Variants in PRP4K observed in about 807,000 individuals in gnomAD.
PRP4K encodes the protein pre-mRNA processing factor kinase PRP4K.
At chr6:4,041,920 T>C in the PRP4K span, among the ~76,000 whole-genome samples, 2 of 152,152 alleles carry the variant, frequency 1.3e-5, no homozygotes, top group South Asian at 4.1e-4. Flanking sequence ...GCAGGTAAGA[T>C]CATTGAAAAA....
At chr6:4,049,709 A>G in the PRP4K span, 51 of 1,592,868 alleles carry the variant, frequency 3.2e-5, no homozygotes, top group Admixed American at 1.4e-4. Context: ...TCAGAATTCT[A>G]ATTTTTCAAT....
At chr6:4,026,948 G>T in the PRP4K span, among the ~76,000 whole-genome samples, 3 of 152,184 alleles carry the variant, frequency 2.0e-5, no homozygotes, top group Non-Finnish European at 2.9e-5. Flanking sequence ...ATTCCTGGCA[G>T]GAGAAACAGG....
the PRP4K span, chr6:4,032,760 CTT>C: frequency 6.4e-7 from 1 of 1,553,180 alleles, no homozygotes; most frequent in African/African-American, 1.4e-5. Context: ...TCCAAGGTAA[CTT>C]GTGTACAAAA....
chr6:4,033,503 G>T, the PRP4K span, among the ~76,000 whole-genome samples: 2 of 152,122 alleles, frequency 1.3e-5, no homozygotes, highest in African/African-American at 4.8e-5. Flanking sequence ...TAGAACGGAA[G>T]TATTTGCGGG....
At chr6:4,026,963 A>C in the PRP4K span, among the ~76,000 whole-genome samples, 1 of 152,184 alleles carries the variant, frequency 6.6e-6, no homozygotes, top group African/African-American at 2.4e-5. Context: ...AACAGGTCCC[A>C]CGTACCTGAG....
the PRP4K span, among the ~76,000 whole-genome samples, chr6:4,046,040 C>T: frequency 6.6e-6 from 1 of 152,182 alleles, no homozygotes; most frequent in Non-Finnish European, 1.5e-5. Flanking sequence ...TTCAGTCAGA[C>T]TTTGATATTT....
the PRP4K span, among the ~76,000 whole-genome samples, chr6:4,044,667 C>T: frequency 1.3e-5 from 2 of 151,878 alleles, no homozygotes; most frequent in East Asian, 3.9e-4. Context: ...GTCCTTTTGC[C>T]CCAGCCCTTT....
the PRP4K span, among the ~76,000 whole-genome samples, chr6:4,059,357 C>CT: frequency 4.6e-5 from 7 of 152,172 alleles, no homozygotes; most frequent in African/African-American, 1.7e-4. Flanking sequence ...ATTTCCTGTG[C>CT]TGCCTCACCC....
At chr6:4,034,042 GAAATCCAAATAAGCCTGT>G in the PRP4K span, among the ~76,000 whole-genome samples, 2 of 152,034 alleles carry the variant, frequency 1.3e-5, no homozygotes, top group African/African-American at 4.8e-5. Flanking sequence ...TTATTAAAGA[GAAATCCAAATAAGCCTGT>G]AAATTGTCTC....
chr6:4,038,280 G>GAA, the PRP4K span, among the ~76,000 whole-genome samples: 1 of 151,518 alleles, frequency 6.6e-6, no homozygotes. Context: ...GGTCAATGAG[G>GAA]GGTTTTATTT....
chr6:4,042,418 C>A, the PRP4K span: 1 of 1,232,600 alleles, frequency 8.1e-7, no homozygotes, highest in Non-Finnish European at 1.2e-6. Flanking sequence ...ATTTTCCTGC[C>A]TTTAACTTTA....
the PRP4K span, among the ~76,000 whole-genome samples, chr6:4,035,991 G>A: frequency 2.8e-5 from 4 of 142,466 alleles, no homozygotes; most frequent in Non-Finnish European, 3.0e-5. Context: ...TAATAAATGA[G>A]GAAAATACTG....
At chr6:4,027,878 T>G in the PRP4K span, among the ~76,000 whole-genome samples, 2 of 152,080 alleles carry the variant, frequency 1.3e-5, no homozygotes, top group Non-Finnish European at 2.9e-5. Context: ...TTTAGGTAAT[T>G]TTGAATTTGA....
chr6:4,041,436 G>A, the PRP4K span, among the ~76,000 whole-genome samples: 6 of 152,092 alleles, frequency 3.9e-5, no homozygotes, highest in Admixed American at 1.3e-4. Context: ...GGTGGCACAC[G>A]CCTGTAGTCA....
At chr6:4,049,157 A>G in the PRP4K span, 2 of 1,439,276 alleles carry the variant, frequency 1.4e-6, no homozygotes, top group Non-Finnish European at 9.6e-7. Flanking sequence ...CACCATGCAA[A>G]AGCATGCTGC....
At chr6:4,029,184 C>G in the PRP4K span, among the ~76,000 whole-genome samples, 2 of 151,118 alleles carry the variant, frequency 1.3e-5, no homozygotes, top group African/African-American at 2.4e-5. Flanking sequence ...ATGCCTGGCT[C>G]CACTTGGAAT....
At chr6:4,049,662 C>A in the PRP4K span, 4 of 1,435,576 alleles carry the variant, frequency 2.8e-6, no homozygotes, top group South Asian at 1.2e-5. Flanking sequence ...TAAATGACTG[C>A]ACTGTGTTTC....
chr6:4,021,381 T>C, the PRP4K span: 3 of 1,557,582 alleles, frequency 1.9e-6, no homozygotes, highest in African/African-American at 4.1e-5. Context: ...CCCTCCACCG[T>C]CCGGGAGCCG....
chr6:4,055,454 T>C, the PRP4K span, among the ~76,000 whole-genome samples: 1 of 152,216 alleles, frequency 6.6e-6, no homozygotes, highest in Admixed American at 6.5e-5. Flanking sequence ...AGTCTCCCCA[T>C]AGAGACTGCC....
Sources: allele counts gnomAD v4.1 joint callset (sites outside exome capture counted in the v4.1 genomes callset), GRCh38; gene constraint gnomAD v4.1.1; transcripts MANE v1.5; gene names NCBI Gene and HGNC (gene_info 2026-07-23, HGNC 2026-07-21).